Variants in ANKFN1 observed in about 807,000 individuals in gnomAD.
ANKFN1 encodes ankyrin repeat and fibronectin type-III domain-containing protein 1.
In ANKFN1, 74 loss-of-function variants were observed where a neutral mutation model predicts 108.7. The ratio of observed to expected loss-of-function variants is 0.68; its 90% CI spans 0.56 to 0.83. ANKFN1 has a LOEUF of 0.83. ANKFN1 is among the 40% of genes least tolerant of loss of function. The pLI, the probability that ANKFN1 is intolerant of heterozygous loss-of-function variation, is 0.00. For synonymous variants in ANKFN1, 547 were observed against 516.2 expected (o/e 1.06, Z -0.81); for missense variants, 1,505 against 1,382.3 (o/e 1.09, Z -1.41).
chr17:56,447,042 G>A (rs2049319648), intron 10 of ANKFN1, among the ~76,000 whole-genome samples: 2 of 152,116 alleles, frequency 1.3e-5, no homozygotes, highest in Admixed American at 1.3e-4. Flanking sequence ...GGCCAGCATG[G>A]TGAAACCCTG....
At chr17:56,138,163 G>C (rs1907699990) in intron 4 of ANKFN1, among the ~76,000 whole-genome samples, 1 of 152,210 alleles carries the variant, frequency 6.6e-6, no homozygotes, top group South Asian at 2.1e-4. Context: ...GGAATACTGA[G>C]AGTTAACACT....
chr17:56,079,757 G>A (rs746714635), intron 4 of ANKFN1, among the ~76,000 whole-genome samples: 6 of 152,308 alleles, frequency 3.9e-5, no homozygotes, highest in East Asian at 1.9e-4. Context: ...GCATCAGAAC[G>A]TGACAAGGTG....
At chr17:56,260,050 T>C (rs1567869399) in intron 3 of ANKFN1, among the ~76,000 whole-genome samples, 1 of 152,186 alleles carries the variant, frequency 6.6e-6, no homozygotes, top group Non-Finnish European at 1.5e-5. Context: ...AGAGCTGCAC[T>C]GGGTTCCATG....
Position 56,354,012 on chromosome 17 carries a change from T to A in ANKFN1, c.567T>A (p.Ile189=). The change falls in exon 6 of 21, where the codon ATT becomes ATA. Residue 189 remains isoleucine, a synonymous_variant. Transcript: ENST00000682825. ...CCAACAATGTGCCCATTGCAAGGATTCTTCTGAGGACAGGGGCCCGAGAAA... is the reference window on the plus strand; with the variant it reads ...CCAACAATGTGCCCATTGCAAGGATACTTCTGAGGACAGGGGCCCGAGAAA... ...IMTNNVPIAR[I]LLRTGARESP... is the part of the protein sequence containing the mutation. 4 of 1,613,950 alleles carry A rather than the reference T, an allele frequency of 2.5e-6. No homozygotes were observed. The highest frequency in any genetic ancestry group is 3.4e-6 in the Non-Finnish European group (4 of 1,179,948).
intron 3 of ANKFN1, among the ~76,000 whole-genome samples, chr17:56,229,995 C>T (rs1916608136): frequency 6.6e-6 from 1 of 152,036 alleles, no homozygotes. Context: ...TGAACCAGCC[C>T]CTCTGGAGTT....
At chr17:56,056,928 A>G (rs773797410) in intron 4 of ANKFN1, among the ~76,000 whole-genome samples, 2 of 152,266 alleles carry the variant, frequency 1.3e-5, no homozygotes, top group East Asian at 1.9e-4. Flanking sequence ...CATTTTGTCC[A>G]CAGCAGAACT....
intron 4 of ANKFN1, among the ~76,000 whole-genome samples, chr17:56,326,911 A>T (rs2045531743): frequency 6.6e-6 from 1 of 152,182 alleles, no homozygotes; most frequent in African/African-American, 2.4e-5. Context: ...GATACTGAGG[A>T]TATCTGCCAA....
intron 4 of ANKFN1, among the ~76,000 whole-genome samples, chr17:56,073,015 C>T (rs891305186): frequency 6.6e-6 from 1 of 150,728 alleles, no homozygotes; most frequent in Non-Finnish European, 1.5e-5. Context: ...TTTTTTGAGA[C>T]GGAGTCTCGC....
intron 5 of ANKFN1, among the ~76,000 whole-genome samples, chr17:56,353,144 C>T (rs1369455262): frequency 1.3e-5 from 2 of 151,992 alleles, no homozygotes; most frequent in Non-Finnish European, 2.9e-5. Flanking sequence ...CCTGAGGAAG[C>T]CTACAGGGAA....
intron 3 of ANKFN1, among the ~76,000 whole-genome samples, chr17:56,294,613 T>C (rs1318946033): frequency 6.6e-6 from 1 of 152,196 alleles, no homozygotes; most frequent in Non-Finnish European, 1.5e-5. Flanking sequence ...AGGATGCCAT[T>C]CTACTTTACC....
intron 4 of ANKFN1, among the ~76,000 whole-genome samples, chr17:56,096,147 G>A (rs1905528797): frequency 6.6e-6 from 1 of 152,170 alleles, no homozygotes; most frequent in Admixed American, 6.5e-5. Context: ...ACAAATGACA[G>A]GTCCACATTT....
chr17:56,062,309 C>T (rs1298340181), intron 4 of ANKFN1, among the ~76,000 whole-genome samples: 1 of 151,408 alleles, frequency 6.6e-6, no homozygotes, highest in Non-Finnish European at 1.5e-5. Flanking sequence ...TCTCATTGAT[C>T]TGTCTAATAT....
chr17:56,482,397 G>A lies in ANKFN1; in HGVS notation c.2133G>A (p.Met711Ile). The change falls in exon 18 of 21, where the codon ATG becomes ATA. Residue 711 changes from methionine to isoleucine, a missense_variant. Met to Ile is a conservative substitution (Grantham distance 10). Coordinates refer to ENST00000682825, the MANE Select transcript of ANKFN1 (RefSeq NM_001370326.1). ...FRLYTQEVLE[M>I]GHNVSFLLLL... Reference sequence around the variant, plus strand: ...TCTACACACAGGAGGTGTTGGAAATGGGTCACAATGTGTCCTTTCTTCTCC... The same window carrying A: ...TCTACACACAGGAGGTGTTGGAAATAGGTCACAATGTGTCCTTTCTTCTCC... 2 of 1,612,310 alleles carry A rather than the reference G, an allele frequency of 1.2e-6. No homozygotes were observed. Among genetic ancestry groups the A allele is most frequent in the Non-Finnish European group, 1.7e-6 (2 of 1,179,124 alleles).
intron 3 of ANKFN1, among the ~76,000 whole-genome samples, chr17:56,295,483 G>C (rs1229175957): frequency 6.6e-6 from 1 of 152,044 alleles, no homozygotes; most frequent in Non-Finnish European, 1.5e-5. Flanking sequence ...AGATACTCTG[G>C]GATGGGGCCC....
At chr17:56,057,911 C>T (rs750386696) in intron 4 of ANKFN1, among the ~76,000 whole-genome samples, 1 of 152,138 alleles carries the variant, frequency 6.6e-6, no homozygotes, top group Non-Finnish European at 1.5e-5. Flanking sequence ...TCTTCTCCAT[C>T]GGAGCTCTTC....
chr17:56,356,562 G>A (rs1185563514), intron 6 of ANKFN1, among the ~76,000 whole-genome samples: 1 of 152,174 alleles, frequency 6.6e-6, no homozygotes, highest in Non-Finnish European at 1.5e-5. Flanking sequence ...CCATATCCAT[G>A]TCAGAGACAG....
At chr17:56,429,752 T>C (rs2048693216) in intron 8 of ANKFN1, among the ~76,000 whole-genome samples, 1 of 152,090 alleles carries the variant, frequency 6.6e-6, no homozygotes, top group African/African-American at 2.4e-5. Context: ...TTGGTGGGGG[T>C]ATGAATAAAG....
intron 4 of ANKFN1, among the ~76,000 whole-genome samples, chr17:56,070,986 A>C (rs564193910): frequency 6.7e-6 from 1 of 148,702 alleles, no homozygotes; most frequent in Admixed American, 6.6e-5. Context: ...TGCCCACCTC[A>C]GCCTCCCAAA....
At chr17:56,330,284 C>T (rs555412271) in intron 4 of ANKFN1, among the ~76,000 whole-genome samples, 43 of 90,804 alleles carry the variant, frequency 4.7e-4, no homozygotes, top group African/African-American at 9.1e-4. Context: ...TCTTACATGG[C>T]GGCAGGCAAG....
Sources: gnomAD v4.1 joint callset for allele counts (sites outside exome capture counted in the v4.1 genomes callset) on GRCh38, gnomAD v4.1.1 for gene constraint, MANE v1.5 for transcripts, NCBI Gene and HGNC (gene_info 2026-07-23, HGNC 2026-07-21) for gene names.